PLCL2: variants seen among roughly 807,000 people sequenced by gnomAD.
The protein encoded by PLCL2 is phospholipase C like 2.
PLCL2 carries 4 observed loss-of-function variants against 79.6 expected under a neutral mutation model. The observed-to-expected ratio is 0.05, with a 90% CI of 0.02 to 0.11. The LOEUF is 0.11. PLCL2 is among the 10% of genes least tolerant of loss of function. The pLI is 1.00. For synonymous variants in PLCL2, 484 were observed against 457.7 expected, an observed-to-expected ratio of 1.06 and a Z score of -0.73; for missense variants, 895 against 1,291.0, an observed-to-expected ratio of 0.69 and a Z score of 4.70.
Position 16,885,270 on chromosome 3 carries a change from C to A in PLCL2, c.231C>A (p.Arg77=), listed in dbSNP as rs1415088025. 1 of 664,574 alleles carries A rather than the reference C, an allele frequency of 1.5e-6. No homozygotes were observed. Among genetic ancestry groups the A allele is most frequent in the East Asian group, 3.1e-5 (1 of 32,456 alleles). 41.2% of individuals were successfully genotyped at this position (664,574 alleles called of 1,614,324 possible). The change falls in exon 1 of 6, where the codon CGC becomes CGA. Residue 77 remains arginine (R), a synonymous_variant. Coordinates refer to ENST00000615277, the MANE Select transcript of PLCL2 (RefSeq NM_001144382.2). The stretch of plus-strand genomic sequence containing the variant: ...GGGCTAGCCCTACCAGGGGACCCCG[C>A]GGCGTTGCGCTCGCCCCGACCCCCA... The part of the protein sequence containing the change: ...EARASPTRGP[R]GVALAPTPSA...
intron 1 of PLCL2, among the ~76,000 whole-genome samples, chr3:16,967,611 GTTTT>G (rs200763987): frequency 1.3e-5 from 2 of 151,394 alleles, no homozygotes; most frequent in South Asian, 4.2e-4. Context: ...TTTTAATGGG[GTTTT>G]TTTTGTTTGT....
chr3:16,997,252 C>T (rs1246545784), intron 1 of PLCL2, among the ~76,000 whole-genome samples: 1 of 152,116 alleles, frequency 6.6e-6, no homozygotes, highest in Non-Finnish European at 1.5e-5. Context: ...AAAAGTTTAC[C>T]TTCTACTTGA....
chr3:16,999,266 C>T (rs538713374), intron 1 of PLCL2, among the ~76,000 whole-genome samples: 3 of 152,194 alleles, frequency 2.0e-5, no homozygotes, highest in South Asian at 2.1e-4. Flanking sequence ...GCATCACATA[C>T]GTTTGGTTGT....
chr3:17,059,108 C>T (rs949135875), intron 4 of PLCL2, among the ~76,000 whole-genome samples: 1 of 152,018 alleles, frequency 6.6e-6, no homozygotes, highest in East Asian at 1.9e-4. Flanking sequence ...GTCATATGTG[C>T]AAAGGTTTTT....
intron 1 of PLCL2, among the ~76,000 whole-genome samples, chr3:16,919,197 CTGAGTT>C (rs2124933273): frequency 6.6e-6 from 1 of 152,220 alleles, no homozygotes; most frequent in South Asian, 2.1e-4. Context: ...ACTTGTTCTT[CTGAGTT>C]TAATAGTGCC....
intron 5 of PLCL2, among the ~76,000 whole-genome samples, chr3:17,070,148 A>G (rs924340652): frequency 6.6e-6 from 1 of 152,152 alleles, no homozygotes; most frequent in Non-Finnish European, 1.5e-5. Context: ...GGAACCAGCA[A>G]CCTGGGCCTC....
At chr3:17,063,811 G>A (rs1004754771) in intron 4 of PLCL2, among the ~76,000 whole-genome samples, 2 of 152,160 alleles carry the variant, frequency 1.3e-5, no homozygotes, top group South Asian at 2.1e-4. Flanking sequence ...TGCTCCTTTC[G>A]CATCCCCATA....
chr3:16,929,065 T>A (rs76147595), intron 1 of PLCL2, among the ~76,000 whole-genome samples: 112,881 of 112,908 alleles, frequency 1, 56,427 homozygotes, highest in Middle Eastern at 1. Context: ...GTGCTGGCTT[T>A]GAACGTACAC....
At chr3:16,900,825 T>C (rs1041392369) in intron 1 of PLCL2, among the ~76,000 whole-genome samples, 5 of 152,212 alleles carry the variant, frequency 3.3e-5, no homozygotes, top group African/African-American at 1.2e-4. Context: ...GACTCAGATC[T>C]GCTGGTTACT....
chr3:16,894,446 ATAT>A (rs1559478288), intron 1 of PLCL2, among the ~76,000 whole-genome samples: 2 of 152,200 alleles, frequency 1.3e-5, no homozygotes, highest in Non-Finnish European at 2.9e-5. Flanking sequence ...ATTAAAAATA[ATAT>A]TAGCAGTAGA....
chr3:17,079,241 C>A (rs1349156844), intron 5 of PLCL2, among the ~76,000 whole-genome samples: 1 of 152,180 alleles, frequency 6.6e-6, no homozygotes, highest in African/African-American at 2.4e-5. Context: ...ACCCTCCCCT[C>A]CCCTCTGGCC....
Position 17,089,990 on chromosome 3 carries a change from C to A in PLCL2, c.*78C>A. On this transcript the variant is annotated 3_prime_UTR_variant, in exon 6 of 6. Coordinates refer to ENST00000615277, the MANE Select transcript of PLCL2 (RefSeq NM_001144382.2). ...TCAGATGGGACATTTGCTTTGCACT[C>A]ACTAATGAGAATAATATTCGGGATT... 1 of 1,475,752 alleles carries A rather than the reference C, an allele frequency of 6.8e-7. No homozygotes were observed. Among genetic ancestry groups the A allele is most frequent in the South Asian group, 1.5e-5 (1 of 68,216 alleles). 91.4% of individuals were successfully genotyped at this position (1,475,752 alleles called of 1,614,324 possible). A position where few individuals can be genotyped will look rare whatever the true frequency, so the allele number is the denominator to read the frequency against.
Position 17,047,868 on chromosome 3 carries a change from A to G in PLCL2, c.3094+4919A>G, listed in dbSNP as rs185409627. On this transcript the variant is annotated intron_variant, in intron 4 of 5. Transcript: ENST00000615277. ...TCCTTTCATTAAACTCTCACTTCCTACTGCTTTGTACTGTATTTCCAACTG... is the reference window on the plus strand; with the variant it reads ...TCCTTTCATTAAACTCTCACTTCCTGCTGCTTTGTACTGTATTTCCAACTG... Among the ~76,000 whole-genome samples, 642 of 152,018 alleles carry G rather than the reference A, an allele frequency of 4.2e-3. 2 individuals carry two copies. The highest frequency in any genetic ancestry group is 0.015 in the African/African-American group (616 of 41,436).
chr3:16,910,363 G>A (rs578029843), intron 1 of PLCL2, among the ~76,000 whole-genome samples: 1 of 151,908 alleles, frequency 6.6e-6, no homozygotes, highest in Non-Finnish European at 1.5e-5. Flanking sequence ...AATCCCTCAA[G>A]TCAGTTTGCA....
At chr3:17,075,236 T>C (rs1005598452) in intron 5 of PLCL2, among the ~76,000 whole-genome samples, 4 of 152,164 alleles carry the variant, frequency 2.6e-5, no homozygotes, top group African/African-American at 9.7e-5. Context: ...GAACTTTGCA[T>C]GTCATTAGGG....
At chr3:16,894,226 T>C (rs1478461861) in intron 1 of PLCL2, among the ~76,000 whole-genome samples, 1 of 152,216 alleles carries the variant, frequency 6.6e-6, no homozygotes, top group East Asian at 1.9e-4. Context: ...ATTGCTTAGA[T>C]TTTTATTTCT....
Position 17,014,925 on chromosome 3 carries a change from T to C in PLCL2, c.3018+14T>C. 1 of 1,605,320 alleles carries C rather than the reference T, an allele frequency of 6.2e-7. No individual in the cohort carries two copies. Among genetic ancestry groups the C allele is most frequent in the East Asian group, 2.2e-5 (1 of 44,828 alleles). ...ACTTATGACATGGTGAGTTGTCCTT[T>C]GTCCGTTTACATAGCCTGGGTGAGA... On this transcript the variant is annotated intron_variant, in intron 3 of 5. Transcript: ENST00000615277.
chr3:17,017,597 T>C (rs2064400077), intron 3 of PLCL2, among the ~76,000 whole-genome samples: 1 of 152,206 alleles, frequency 6.6e-6, no homozygotes. Context: ...GCCCCAAAAT[T>C]AACCTTAGAA....
chr3:17,015,611 A>G (rs1368720962), intron 3 of PLCL2, among the ~76,000 whole-genome samples: 1 of 152,174 alleles, frequency 6.6e-6, no homozygotes, highest in Admixed American at 6.5e-5. Flanking sequence ...TCTTCAACCT[A>G]TCAGGGTTAA....
Sources: allele counts gnomAD v4.1 joint callset (sites outside exome capture counted in the v4.1 genomes callset), GRCh38; gene constraint gnomAD v4.1.1; transcripts MANE v1.5; gene names NCBI Gene and HGNC (gene_info 2026-07-23, HGNC 2026-07-21).